Variants in EFHB observed in about 807,000 individuals in gnomAD.
EFHB encodes the protein EF-hand domain-containing family member B.
Under a neutral mutation model 87.2 loss-of-function variants are expected in EFHB, and 91 were observed. The ratio of observed to expected loss-of-function variants is 1.04; its 90% CI spans 0.88 to 1.24. The LOEUF (loss-of-function observed/expected upper bound fraction) is 1.24. EFHB is among the 50% of genes most tolerant of loss of function. EFHB has a pLI of 0.00. For synonymous variants in EFHB, 325 were observed against 333.6 expected, an observed-to-expected ratio of 0.97 and a Z score of 0.28; for missense variants, 1,084 against 998.8, an observed-to-expected ratio of 1.09 and a Z score of -1.15.
intron 6 of EFHB, among the ~76,000 whole-genome samples, chr3:19,904,820 C>A (rs149929710): frequency 6.6e-6 from 1 of 152,100 alleles, no homozygotes; most frequent in African/African-American, 2.4e-5. Context: ...GAGGGCGGGG[C>A]GGCACCAGTA....
chr3:19,882,603 C>T lies in EFHB; in HGVS notation c.2275G>A (p.Ala759Thr), dbSNP rs1308903959. ...AYSLLYPTIF[A>T]RKGVFERDFF... ...TCTCTTTCAAACACTCCTTTCCGGG[C>T]AAAAATGGTAGGATATAGTAGTGAA... Residue 759 changes from alanine to threonine, a missense_variant, in exon 12 of 13, where the codon GCC (alanine) becomes ACC (threonine). Transcript: ENST00000295824. 2 of 1,611,746 alleles carry T rather than the reference C, an allele frequency of 1.2e-6. No individual in the cohort carries two copies. Among genetic ancestry groups the T allele is most frequent in the Admixed American group, 3.3e-5 (2 of 59,856 alleles).
intron 3 of EFHB, among the ~76,000 whole-genome samples, chr3:19,919,364 CTTT>C (rs752615220): frequency 5.8e-5 from 8 of 137,232 alleles, no homozygotes; most frequent in Non-Finnish European, 8.0e-5. Flanking sequence ...GCCCCAGCTG[CTTT>C]TTTTTTTTTT....
At chr3:19,902,479 CAAGTAGCTGGG>C (rs1365800024) in intron 6 of EFHB, among the ~76,000 whole-genome samples, 1 of 152,084 alleles carries the variant, frequency 6.6e-6, no homozygotes, top group African/African-American at 2.4e-5. Context: ...CTCAGCCTCC[CAAGTAGCTGGG>C]ACTACAGGTG....
rs765584505 is a variant in EFHB at position 19,933,473 on chromosome 3, G to A, written c.546C>T (p.Pro182=). 1 of 1,613,892 alleles carries A rather than the reference G, an allele frequency of 6.2e-7. No homozygotes were observed. Among genetic ancestry groups the A allele is most frequent in the South Asian group, 1.1e-5 (1 of 91,080 alleles). The change falls in exon 1 of 13, where the codon CCC becomes CCT. Residue 182 remains proline, a synonymous_variant. Transcript: ENST00000295824. ...CCACAGGAAGCTTAATCTCTGTGTTGGGTTTCATTAAAACACAGGTAGACT... is the reference window on the plus strand; with the variant it reads ...CCACAGGAAGCTTAATCTCTGTGTTAGGTTTCATTAAAACACAGGTAGACT... The part of the protein sequence containing the change: ...EKESTCVLMK[P]NTEIKLPVEV...
rs1694513530 is a variant in EFHB, at chr3:19,897,035, C to T, written c.1571-194G>A. On this transcript the variant is annotated intron_variant, in intron 8 of 12. Coordinates refer to ENST00000295824, the MANE Select transcript of EFHB (RefSeq NM_144715.4). The stretch of plus-strand genomic sequence containing the variant: ...AATTAATTGATAAAAATTAATATTC[C>T]TGGTTTATGTTACCTCTCTGCTCAA... Among the ~76,000 whole-genome samples the T allele has an allele frequency of 2.0e-5, 3 of 152,116 alleles. No individual in the cohort carries two copies. The South Asian group carries it at 6.2e-4, about 32-fold the overall frequency.
chr3:19,941,108 C>A (rs565675721), intron 1 of EFHB: 2 of 378,646 alleles, frequency 5.3e-6, no homozygotes, highest in African/African-American at 2.1e-5. Context: ...TTATTCAGTT[C>A]TTTTCCATTG....
intron 4 of EFHB, 122 bp from the exon 5 acceptor site, chr3:19,915,535 G>A (rs191513216): frequency 8.1e-6 from 5 of 617,944 alleles, no homozygotes; most frequent in Admixed American, 6.5e-5. Context: ...TAGACATCCC[G>A]AGAGATCACA....
chr3:19,934,662 A>G (rs936712863), upstream of EFHB, among the ~76,000 whole-genome samples: 2 of 152,146 alleles, frequency 1.3e-5, no homozygotes, highest in African/African-American at 4.8e-5. Context: ...AATGGTTTCA[A>G]CAATTGGCTT....
intron 5 of EFHB, among the ~76,000 whole-genome samples, chr3:19,908,654 A>G (rs9854666): frequency 1.3e-5 from 2 of 148,814 alleles, no homozygotes; most frequent in African/African-American, 5.0e-5. Context: ...GAAAGAAAGA[A>G]AAAGAAAGTT....
upstream of EFHB, chr3:19,936,157 TC>T: frequency 7.0e-7 from 1 of 1,432,566 alleles, no homozygotes. Context: ...TCTCAACACT[TC>T]GGGAAGCCAA....
Position 19,889,727 on chromosome 3 carries a change from C to G in EFHB, c.1726-1076G>C, listed in dbSNP as rs1299316080. 2.6e-5 allele frequency among the ~76,000 whole-genome samples: 4 copies of G among 152,252 alleles called. No individual in the cohort carries two copies. In the East Asian group the frequency reaches 5.8e-4, roughly 22 times the overall value. ...CAAATGCCCTGGATTAAAGCAGACT[C>G]CTTTATAAAAGTCTCTACTACAGGC... is the stretch of plus-strand genomic sequence containing the variant. On this transcript the variant is annotated intron_variant, in intron 9 of 12. Coordinates refer to ENST00000295824, the MANE Select transcript of EFHB (RefSeq NM_144715.4).
chr3:19,885,472 G>A (rs901736601), intron 10 of EFHB, among the ~76,000 whole-genome samples: 2 of 152,198 alleles, frequency 1.3e-5, no homozygotes, highest in African/African-American at 4.8e-5. Context: ...AACTGAAGTT[G>A]TAAGACTGTC....
upstream of EFHB, among the ~76,000 whole-genome samples, chr3:19,936,898 A>T (rs974104333): frequency 6.7e-6 from 1 of 149,124 alleles, no homozygotes; most frequent in African/African-American, 2.5e-5. Flanking sequence ...TAAATAAATA[A>T]ATAAATAAAT....
intron 1 of EFHB, among the ~76,000 whole-genome samples, chr3:19,939,891 T>C (rs1279117672): frequency 1.3e-5 from 2 of 152,206 alleles, no homozygotes; most frequent in Admixed American, 6.5e-5. Context: ...TGAACTGGCA[T>C]GGATGACACT....
At chr3:19,903,794 T>C (rs974506198) in intron 6 of EFHB, among the ~76,000 whole-genome samples, 6 of 152,286 alleles carry the variant, frequency 3.9e-5, no homozygotes, top group Admixed American at 2.6e-4. Context: ...AAAGTGCCTA[T>C]AGATCTGGTG....
intron 1 of EFHB, chr3:19,940,714 CAG>C (rs1234282216): frequency 2.9e-6 from 1 of 340,450 alleles, no homozygotes; most frequent in African/African-American, 2.2e-5. Flanking sequence ...TTGTGCACAG[CAG>C]AGACACTGAA....
chr3:19,915,457 C>A, intron 4 of EFHB, 44 bp from the exon 5 acceptor site: 1 of 1,327,486 alleles, frequency 7.5e-7, no homozygotes, highest in Non-Finnish European at 1.1e-6. Flanking sequence ...CACTTTTTAA[C>A]CTATTTATAA....
intron 4 of EFHB, 105 bp downstream of exon 4, chr3:19,918,127 G>A (rs923341392): frequency 3.2e-5 from 39 of 1,201,080 alleles, no homozygotes; most frequent in African/African-American, 1.2e-4. Context: ...TTGAGTCATC[G>A]TTTACACCAT....
chr3:19,901,848 G>T (rs1341980791), intron 6 of EFHB, among the ~76,000 whole-genome samples: 1 of 151,916 alleles, frequency 6.6e-6, no homozygotes, highest in Admixed American at 6.6e-5. Context: ...TACTTGGGAG[G>T]CTGAGGCAGG....
Sources: gnomAD v4.1 joint callset for allele counts (sites outside exome capture counted in the v4.1 genomes callset) on GRCh38, gnomAD v4.1.1 for gene constraint, MANE v1.5 for transcripts, NCBI Gene and HGNC (gene_info 2026-07-23, HGNC 2026-07-21) for gene names.